Variants in TNFRSF1B observed in about 807,000 individuals in gnomAD.
TNFRSF1B encodes the protein TNF receptor superfamily member 1B.
Under a neutral mutation model 44.6 loss-of-function variants are expected in TNFRSF1B, and 19 were observed. The ratio of observed to expected loss-of-function variants is 0.43; its 90% CI spans 0.30 to 0.62. The LOEUF (loss-of-function observed/expected upper bound fraction) is 0.62. Among genes scored for constraint, TNFRSF1B ranks in the 20% least tolerant of loss-of-function variants. TNFRSF1B has a pLI of 0.16. For synonymous variants in TNFRSF1B, 252 were observed against 261.1 expected (o/e 0.97, Z 0.34); for missense variants, 541 against 619.9 (o/e 0.87, Z 1.35).
At chr1:12,202,520 C>A (rs1436219251) in intron 9 of TNFRSF1B, among the ~76,000 whole-genome samples, 1 of 152,210 alleles carries the variant, frequency 6.6e-6, no homozygotes, top group African/African-American at 2.4e-5. Context: ...TGTCAGACTG[C>A]ATGTACAGAC....
intron 2 of TNFRSF1B, 72 bp downstream of exon 2, chr1:12,188,967 A>C: frequency 7.3e-7 from 1 of 1,375,388 alleles, no homozygotes; most frequent in African/African-American, 1.4e-5. Context: ...CTGGGGCGCA[A>C]GAGCATAGCC....
chr1:12,207,857 C>G lies in TNFRSF1B; in HGVS notation c.*837C>G, dbSNP rs186856234. 1 of 152,104 alleles carries G rather than the reference C, an allele frequency of 6.6e-6. No homozygotes were observed. Among genetic ancestry groups the G allele is most frequent in the Non-Finnish European group, 1.5e-5 (1 of 68,056 alleles). The allele number at this position is 152,104 out of a possible 1,614,324, so 9.4% of individuals were successfully genotyped here. A position where few individuals can be genotyped will look rare whatever the true frequency, so the allele number is the denominator to read the frequency against. The stretch of plus-strand genomic sequence containing the variant: ...CCCGGGAAGCGGAGGTTGCAGGGAG[C>G]CGAGATCACGCCACTGCACTCCAGC... On this transcript the variant is annotated 3_prime_UTR_variant, in exon 10 of 10. Transcript: ENST00000376259.
rs748589747 is a variant in TNFRSF1B at position 12,193,960 on chromosome 1, A to G, written c.793A>G (p.Ile265Val). 2.5e-6 allele frequency: 4 copies of G among 1,613,468 alleles called. No individual in the cohort carries two copies. The South Asian group carries it at 4.4e-5, about 18-fold the overall frequency. ...AGCTTCTCTTTTCTTTCTAGGACTG[A>G]TTGTGGGTGTGACAGCCTTGGGTCT... ...TGDFALPVGL[I>V]VGVTALGLLI... Residue 265 changes from isoleucine to valine, a missense_variant, in exon 7 of 10, where the codon ATT becomes GTT. Ile to Val is a conservative substitution (Grantham distance 29). Coordinates refer to ENST00000376259, the MANE Select transcript of TNFRSF1B (RefSeq NM_001066.3).
chr1:12,204,392 C>G (rs947308138), intron 9 of TNFRSF1B, among the ~76,000 whole-genome samples: 1 of 152,176 alleles, frequency 6.6e-6, no homozygotes, highest in Non-Finnish European at 1.5e-5. Flanking sequence ...CCTCCTCCCC[C>G]ACCACATGCT....
intron 5 of TNFRSF1B, 31 bp downstream of exon 5, chr1:12,192,555 A>G: frequency 1.2e-6 from 2 of 1,603,716 alleles, no homozygotes; most frequent in African/African-American, 1.3e-5. Flanking sequence ...GTTCTGGAGG[A>G]GCAGGGAGGG....
At chr1:12,179,927 G>C (rs1386631839) in intron 1 of TNFRSF1B, among the ~76,000 whole-genome samples, 1 of 152,118 alleles carries the variant, frequency 6.6e-6, no homozygotes, top group South Asian at 2.1e-4. Context: ...ACTTTTCCTG[G>C]ATCTGAACAG....
chr1:12,207,028 G>A lies in TNFRSF1B; in HGVS notation c.*8G>A, dbSNP rs371983819. On this transcript the variant is annotated 3_prime_UTR_variant, in exon 10 of 10. Transcript: ENST00000376259. ...GGGATGAAGCCCAGTTAACCAGGCC[G>A]GTGTGGGCTGTGTCGTAGCCAAGGT... The A allele has an allele frequency of 7.0e-6, 11 of 1,569,180 alleles. No homozygotes were observed. The highest frequency in any genetic ancestry group is 2.3e-5 in the East Asian group (1 of 44,132).
At chr1:12,190,572 T>C (rs1231245588) in intron 2 of TNFRSF1B, among the ~76,000 whole-genome samples, 1 of 151,912 alleles carries the variant, frequency 6.6e-6, no homozygotes, top group East Asian at 1.9e-4. Flanking sequence ...TTGTCCTTGA[T>C]AGGATACCAG....
rs1553163390 is a variant in TNFRSF1B at position 12,183,662 on chromosome 1, A to ATCTATCTATCTATCTATCTAT, written c.79-5133_79-5113dup. On this transcript the variant is annotated intron_variant, in intron 1 of 9. Transcript: ENST00000376259. The stretch of plus-strand genomic sequence containing the variant: ...TCTAGCTATTTTATCTATTTTATCT[A>ATCTATCTATCTATCTATCTAT]TCTATCTATCTATCTATCTATCTAT... Among the ~76,000 whole-genome samples the ATCTATCTATCTATCTATCTAT allele has an allele frequency of 1.6e-3, 150 of 95,464 alleles. 5 individuals are homozygous for ATCTATCTATCTATCTATCTAT. The highest frequency in any genetic ancestry group is 3.0e-3 in the South Asian group (8 of 2,662). The allele number at this position is 95,464 out of a possible 152,430, so 62.6% of individuals were successfully genotyped here. A position where few individuals can be genotyped will look rare whatever the true frequency, so the allele number is the denominator to read the frequency against.
chr1:12,191,060 G>A lies in TNFRSF1B; in HGVS notation c.282G>A (p.Leu94=), dbSNP rs746579008. ...TQLWNWVPEC[L]SCGSRCSSDQ... ...TCTGGAACTGGGTTCCCGAGTGCTTGAGCTGTGGCTCCCGCTGTAGCTCTG... is the reference window on the plus strand; with the variant it reads ...TCTGGAACTGGGTTCCCGAGTGCTTAAGCTGTGGCTCCCGCTGTAGCTCTG... Residue 94 remains leucine, a synonymous_variant, in exon 3 of 10, where the codon TTG becomes TTA. Transcript: ENST00000376259. 6.2e-7 allele frequency: 1 copy of A among 1,614,198 alleles called. No homozygotes were observed. Among genetic ancestry groups the A allele is most frequent in the Non-Finnish European group, 8.5e-7 (1 of 1,180,012 alleles).
chr1:12,207,081 C>G lies in TNFRSF1B; in HGVS notation c.*61C>G. On this transcript the variant is annotated 3_prime_UTR_variant, in exon 10 of 10. Coordinates refer to ENST00000376259, the MANE Select transcript of TNFRSF1B (RefSeq NM_001066.3). ...GCTGAGCCCTGGCAGGATGACCCTG[C>G]GAAGGGGCCCTGGTCCTTCCAGGCC... is the stretch of plus-strand genomic sequence containing the variant. 6.7e-7 allele frequency: 1 copy of G among 1,497,496 alleles called. No homozygotes were observed. Among genetic ancestry groups the G allele is most frequent in the Non-Finnish European group, 8.9e-7 (1 of 1,119,658 alleles). 92.8% of individuals were successfully genotyped at this position (1,497,496 alleles called of 1,614,324 possible). A position where few individuals can be genotyped will look rare whatever the true frequency, so the allele number is the denominator to read the frequency against.
At chr1:12,192,276 C>T (rs865824874) in intron 4 of TNFRSF1B, 155 bp from the exon 5 acceptor site, 7 of 688,728 alleles carry the variant, frequency 1.0e-5, no homozygotes, top group Admixed American at 2.0e-5. Flanking sequence ...GTACAGGCAT[C>T]TGTGTGTGTG....
intron 6 of TNFRSF1B, 61 bp from the exon 7 acceptor site, chr1:12,193,894 T>G: frequency 6.9e-7 from 1 of 1,440,124 alleles, no homozygotes; most frequent in Non-Finnish European, 9.8e-7. Flanking sequence ...CTTGCCTGGC[T>G]GGCCCCTGGT....
At chr1:12,167,219 C>T in intron 1 of TNFRSF1B, 50 bp downstream of exon 1, 1 of 1,214,236 alleles carries the variant, frequency 8.2e-7, no homozygotes. Flanking sequence ...CATGTCCACC[C>T]GGCTGGTGCG....
rs185571285 is a variant in TNFRSF1B, at chr1:12,201,417, A to G, written c.901-550A>G. ...TTAAGCACTTTACAAATATTCAGCCATCTAATCTTCACAACAACCCTATGA... is the reference window on the plus strand; with the variant it reads ...TTAAGCACTTTACAAATATTCAGCCGTCTAATCTTCACAACAACCCTATGA... On this transcript the variant is annotated intron_variant, in intron 8 of 9. Coordinates refer to ENST00000376259, the MANE Select transcript of TNFRSF1B (RefSeq NM_001066.3). Among the ~76,000 whole-genome samples, 60 of 151,942 alleles carry G rather than the reference A, an allele frequency of 3.9e-4. 1 individual carries two copies. In the South Asian group the frequency reaches 7.3e-3, roughly 18 times the overall value.
intron 1 of TNFRSF1B, 102 bp downstream of exon 1, chr1:12,167,271 C>A: frequency 1.1e-6 from 1 of 941,678 alleles, no homozygotes; most frequent in Non-Finnish European, 1.4e-6. Context: ...GGGGCGCTGT[C>A]ACGGGCTGGG....
At position 12,171,461 on chromosome 1, in the gene TNFRSF1B, A is replaced by C. The variant is rs1311289214; in HGVS notation, c.78+4292A>C. Among the ~76,000 whole-genome samples the C allele has an allele frequency of 1.3e-5, 2 of 152,130 alleles. No individual in the cohort carries two copies. Among genetic ancestry groups the C allele is most frequent in the African/African-American group, 4.8e-5 (2 of 41,418 alleles). On this transcript the variant is annotated intron_variant, in intron 1 of 9. Transcript: ENST00000376259. This position sits in a 1 kb window ranked among gnomAD's most constrained non-coding sequence, Gnocchi z 4.5. ...CTCCTTCCCTCGCTTCCTTCTGCTG[A>C]AGTAGACAATCCTGCCTGTAGGTGC...
At chr1:12,192,801 GCCCAGCCAC>G (rs1295682066) in intron 5 of TNFRSF1B, 53 bp from the exon 6 acceptor site, 20 of 1,443,042 alleles carry the variant, frequency 1.4e-5, no homozygotes, top group African/African-American at 4.2e-5. Context: ...CCGTGAATGA[GCCCAGCCAC>G]CCCAGCCACT....
intron 1 of TNFRSF1B, among the ~76,000 whole-genome samples, chr1:12,174,184 C>T (rs868629996): frequency 0.024 from 1,926 of 81,900 alleles, 1 homozygote; most frequent in African/African-American, 0.027. Flanking sequence ...TTCTCCTTCT[C>T]CTTCTCCTTC....
Sources: allele counts gnomAD v4.1 joint callset (sites outside exome capture counted in the v4.1 genomes callset), GRCh38; gene constraint gnomAD v4.1.1; non-coding constraint Gnocchi (gnomAD v3.1); transcripts MANE v1.5; gene names NCBI Gene and HGNC (gene_info 2026-07-23, HGNC 2026-07-21).